Variants in PGGT1B observed in about 807,000 individuals in gnomAD.
PGGT1B encodes protein geranylgeranyltransferase type I subunit beta, also known as geranylgeranyl transferase type-1 subunit beta.
A neutral mutation model predicts 46.1 loss-of-function variants in PGGT1B; 30 were observed. The observed-to-expected ratio is 0.65, with a 90% confidence interval of 0.49 to 0.88. The LOEUF (loss-of-function observed/expected upper bound fraction) is 0.88, where lower values mean the gene tolerates loss of function less well. Among genes scored for constraint, PGGT1B ranks in the 40% least tolerant of loss-of-function variants. PGGT1B has a pLI of 0.00. For synonymous variants in PGGT1B, 170 were observed against 160.0 expected, an observed-to-expected ratio of 1.06 and a Z score of -0.47; for missense variants, 376 against 455.9, an observed-to-expected ratio of 0.82 and a Z score of 1.60.
At chr5:115,220,916 T>A (rs2126994122) in intron 7 of PGGT1B, among the ~76,000 whole-genome samples, 1 of 151,868 alleles carries the variant, frequency 6.6e-6, no homozygotes, top group East Asian at 1.9e-4. Context: ...GAAGAAAGGG[T>A]AGCTTTCGGT....
intron 5 of PGGT1B, among the ~76,000 whole-genome samples, chr5:115,234,584 AC>A (rs1452809819): frequency 1.3e-5 from 2 of 152,112 alleles, no homozygotes; most frequent in Non-Finnish European, 2.9e-5. Context: ...ACCTAATGGT[AC>A]TTCAAACAGA....
In PGGT1B at chr5:115,209,093, C is replaced by A. The variant is rs1191922974; in HGVS notation, c.*3309G>T. ...AGGATGACTTCACAGCCTTAGAGCT[C>A]CCATTTTCACAGTGATTTAAAAGAA... On this transcript the variant is annotated 3_prime_UTR_variant, in exon 9 of 9. Coordinates refer to ENST00000419445, the MANE Select transcript of PGGT1B (RefSeq NM_005023.4). 1 of 151,742 alleles carries A rather than the reference C, an allele frequency of 6.6e-6. No individual in the cohort carries two copies. Among genetic ancestry groups the A allele is most frequent in the African/African-American group, 2.4e-5 (1 of 41,294 alleles). The allele number at this position is 151,742 out of a possible 1,614,324, so 9.4% of individuals were successfully genotyped here.
intron 6 of PGGT1B, among the ~76,000 whole-genome samples, chr5:115,224,966 A>G (rs1345008779): frequency 1.3e-5 from 2 of 152,144 alleles, no homozygotes; most frequent in African/African-American, 4.8e-5. Flanking sequence ...CAAGAACTAA[A>G]ATGGAATATC....
intron 6 of PGGT1B, among the ~76,000 whole-genome samples, chr5:115,222,260 T>C (rs1756611230): frequency 6.6e-6 from 1 of 152,206 alleles, no homozygotes; most frequent in South Asian, 2.1e-4. Context: ...TTAAGGAACT[T>C]GTTTAAAATT....
intron 2 of PGGT1B, among the ~76,000 whole-genome samples, chr5:115,247,273 G>T (rs1274148232): frequency 6.6e-6 from 1 of 152,058 alleles, no homozygotes; most frequent in Non-Finnish European, 1.5e-5. Flanking sequence ...TTAATCAGGG[G>T]AGTTGCTTTT....
chr5:115,239,192 G>A (rs1757277787), intron 3 of PGGT1B, among the ~76,000 whole-genome samples: 1 of 152,026 alleles, frequency 6.6e-6, no homozygotes, highest in Non-Finnish European at 1.5e-5. Flanking sequence ...ACAGGCACCT[G>A]CCACCACATC....
At chr5:115,220,652 T>C (rs902970997) in intron 7 of PGGT1B, among the ~76,000 whole-genome samples, 9 of 151,888 alleles carry the variant, frequency 5.9e-5, no homozygotes, top group African/African-American at 1.4e-4. Context: ...GGAGAGATAA[T>C]TGGATATTAC....
intron 3 of PGGT1B, among the ~76,000 whole-genome samples, chr5:115,240,768 C>G (rs528059107): frequency 6.6e-6 from 1 of 152,346 alleles, no homozygotes; most frequent in East Asian, 1.9e-4. Flanking sequence ...CAACAAGATA[C>G]TGGCTTATAA....
chr5:115,247,684 A>G (rs1747913442), intron 2 of PGGT1B, among the ~76,000 whole-genome samples: 1 of 152,202 alleles, frequency 6.6e-6, no homozygotes, highest in Non-Finnish European at 1.5e-5. Flanking sequence ...CTAAAAAAAA[A>G]ATTTTAAATA....
chr5:115,257,412 GC>G (rs1259183122), intron 1 of PGGT1B, among the ~76,000 whole-genome samples: 1 of 151,740 alleles, frequency 6.6e-6, no homozygotes, highest in East Asian at 1.9e-4. Context: ...TACTAGGGAG[GC>G]TGAGGCAGGA....
chr5:115,205,421 A>G lies in PGGT1B; in HGVS notation c.*6981T>C, dbSNP rs1355375611. The G allele has an allele frequency of 6.6e-6, 1 of 152,144 alleles. No individual in the cohort carries two copies. The allele number at this position is 152,144 out of a possible 1,614,324, so 9.4% of individuals were successfully genotyped here. On this transcript the variant is annotated 3_prime_UTR_variant, in exon 9 of 9. Coordinates refer to ENST00000419445, the MANE Select transcript of PGGT1B (RefSeq NM_005023.4). The stretch of plus-strand genomic sequence containing the variant: ...CTTAATTTAGTTAGAGCCTCAAGAT[A>G]TTTAATGAAAAGTTTGAACAAACAT...
chr5:115,262,720 C>G lies in PGGT1B; in HGVS notation c.132G>C (p.Glu44Asp). The G allele has an allele frequency of 6.2e-7, 1 of 1,608,948 alleles. No individual in the cohort carries two copies. Among genetic ancestry groups the G allele is most frequent in the Non-Finnish European group, 8.5e-7 (1 of 1,177,512 alleles). The change falls in exon 1 of 9, where the codon GAG becomes GAC. Residue 44 changes from glutamate to aspartate, a missense_variant. Glu to Asp is a conservative substitution (Grantham distance 45). This residue lies in a region of PGGT1B where 154 missense variants were observed against 142.3 expected (regional missense o/e 1.08). Transcript: ENST00000419445. ...QVLPERYSSL[E>D]TSRLTIAFFA... The stretch of plus-strand genomic sequence containing the variant: ...ACTGTGCCACGAGTTACCTGCTTGT[C>G]TCGAGTGAAGAATAGCGCTCCGGCA...
intron 1 of PGGT1B, among the ~76,000 whole-genome samples, chr5:115,258,071 T>C (rs1748398933): frequency 6.6e-6 from 1 of 152,246 alleles, no homozygotes; most frequent in Non-Finnish European, 1.5e-5. Flanking sequence ...ATTATTTAAC[T>C]TGTAAAATAG....
intron 2 of PGGT1B, among the ~76,000 whole-genome samples, chr5:115,242,093 G>C (rs540565334): frequency 6.6e-6 from 1 of 152,192 alleles, no homozygotes; most frequent in Non-Finnish European, 1.5e-5. Flanking sequence ...AAGCTGAAGA[G>C]AAAATATGTA....
rs35653225 is a variant in PGGT1B at position 115,207,180 on chromosome 5, C to CATATATATATAT, written c.*5210_*5221dup. 0.099 allele frequency: 8,876 copies of CATATATATATAT among 89,208 alleles called. 1,050 individuals are homozygous for CATATATATATAT. The highest frequency in any genetic ancestry group is 0.15 in the African/African-American group (3,583 of 24,138). 5.5% of individuals were successfully genotyped at this position (89,208 alleles called of 1,614,324 possible). ...ACTAGTTTAGGTTTGCATATACATA[C>CATATATATATAT]ATATATATATATATATATATATATA... On this transcript the variant is annotated 3_prime_UTR_variant, in exon 9 of 9. Transcript: ENST00000419445.
chr5:115,238,176 A>T (rs7706217), intron 3 of PGGT1B, among the ~76,000 whole-genome samples, 167 bp from the exon 4 acceptor site: 56,645 of 151,862 alleles, frequency 0.37, 11,153 homozygotes, highest in Non-Finnish European at 0.45. Context: ...TGTATGTCTC[A>T]ATATGAATAT....
In PGGT1B at chr5:115,205,353, C is replaced by A. The variant is rs1002144454; in HGVS notation, c.*7049G>T. 1 of 152,086 alleles carries A rather than the reference C, an allele frequency of 6.6e-6. No homozygotes were observed. Among genetic ancestry groups the A allele is most frequent in the East Asian group, 1.9e-4 (1 of 5,196 alleles). 9.4% of individuals were successfully genotyped at this position (152,086 alleles called of 1,614,324 possible). On this transcript the variant is annotated 3_prime_UTR_variant, in exon 9 of 9. Coordinates refer to ENST00000419445, the MANE Select transcript of PGGT1B (RefSeq NM_005023.4). ...CACCTTATATGCTGGTAGTGCATTACCAGTTGGTTCAGGGAATCCCACATA... is the reference window on the plus strand; with the variant it reads ...CACCTTATATGCTGGTAGTGCATTAACAGTTGGTTCAGGGAATCCCACATA...
intron 7 of PGGT1B, among the ~76,000 whole-genome samples, chr5:115,219,666 G>A (rs984742044): frequency 1.3e-5 from 2 of 151,724 alleles, no homozygotes; most frequent in Non-Finnish European, 3.0e-5. Context: ...GCAACTCAAG[G>A]AATGAGAAAA....
At chr5:115,215,677 G>T (rs1756394093) in intron 8 of PGGT1B, among the ~76,000 whole-genome samples, 1 of 151,632 alleles carries the variant, frequency 6.6e-6, no homozygotes, top group South Asian at 2.1e-4. Context: ...TACAAAAATT[G>T]ATTTCATGAG....
Sources: allele counts gnomAD v4.1 joint callset (sites outside exome capture counted in the v4.1 genomes callset), GRCh38; gene constraint gnomAD v4.1.1; regional missense constraint gnomAD v4.1.1; transcripts MANE v1.5; gene names NCBI Gene and HGNC (gene_info 2026-07-23, HGNC 2026-07-21).